The following LANCL3 variants were observed in gnomAD, a reference collection of about 807,000 sequenced individuals.
LANCL3 encodes LanC like family member 3.
LANCL3 carries 19 observed loss-of-function variants against 26.5 expected under a neutral mutation model. The observed-to-expected ratio is 0.72, with a 90% CI of 0.50 to 1.05. The LOEUF (loss-of-function observed/expected upper bound fraction) is 1.05. LANCL3 is among the 50% of genes least tolerant of loss of function. LANCL3 has a pLI of 0.00. For synonymous variants in LANCL3, 160 were observed against 166.6 expected (o/e 0.96, Z 0.30); for missense variants, 318 against 362.7 (o/e 0.88, Z 1.00).
At chrX:37,630,681 A>T (rs1402669354) in intron 1 of LANCL3, among the ~76,000 whole-genome samples, 28 of 110,366 alleles carry the variant, frequency 2.5e-4, no homozygotes, top group African/African-American at 9.3e-4. Context: ...ATTTTGTCAA[A>T]GGCCTTTTCT....
At chrX:37,584,869 G>T (rs782747920) in intron 1 of LANCL3, among the ~76,000 whole-genome samples, 1 of 111,393 alleles carries the variant, frequency 9.0e-6, no homozygotes, top group Admixed American at 9.5e-5. Context: ...TGCTTCTCTA[G>T]TTCTTTTAAT....
At chrX:37,629,462 A>C (rs1459628611) in intron 1 of LANCL3, among the ~76,000 whole-genome samples, 3 of 109,102 alleles carry the variant, frequency 2.7e-5, no homozygotes, top group African/African-American at 6.8e-5. Flanking sequence ...ATTAGATCCC[A>C]TTTGTCAATT....
At chrX:37,655,603 G>C in intron 1 of LANCL3, 85 bp from the exon 2 acceptor site, 13 of 818,493 alleles carry the variant, frequency 1.6e-5, no homozygotes, top group Non-Finnish European at 2.2e-5. Flanking sequence ...TGGATATGAT[G>C]CTAGACTTCT....
intron 1 of LANCL3, among the ~76,000 whole-genome samples, chrX:37,577,453 C>G (rs1569460660): frequency 8.9e-6 from 1 of 112,472 alleles, no homozygotes; most frequent in Admixed American, 9.4e-5. Context: ...TTTTGAGATA[C>G]CTTCCACAGC....
At chrX:37,671,739 A>G (rs1303740952) in intron 4 of LANCL3, among the ~76,000 whole-genome samples, 1 of 112,018 alleles carries the variant, frequency 8.9e-6, no homozygotes, top group Non-Finnish European at 1.9e-5. Flanking sequence ...TCATTTTCTC[A>G]GAAAGGCCCT....
chrX:37,669,162 A>T (rs890027542), intron 4 of LANCL3, among the ~76,000 whole-genome samples: 9 of 111,997 alleles, frequency 8.0e-5, no homozygotes, highest in Admixed American at 3.8e-4. Flanking sequence ...CTATATATGT[A>T]TAATAGTTCT....
At chrX:37,587,109 C>A (rs182798438) in intron 1 of LANCL3, among the ~76,000 whole-genome samples, 1 of 112,633 alleles carries the variant, frequency 8.9e-6, no homozygotes. Context: ...TGCAGAACAG[C>A]GAATATTGCT....
intron 1 of LANCL3, among the ~76,000 whole-genome samples, chrX:37,633,113 T>G (rs1172260287): frequency 1.8e-5 from 2 of 110,290 alleles, no homozygotes; most frequent in Non-Finnish European, 3.8e-5. Context: ...GATTTGGTCT[T>G]TTCACATAGT....
chrX:37,600,798 A>C (rs1924556372), intron 1 of LANCL3, among the ~76,000 whole-genome samples: 1 of 111,657 alleles, frequency 9.0e-6, no homozygotes, highest in South Asian at 3.8e-4. Flanking sequence ...TCCTGGTCTG[A>C]GGACCAAGTG....
intron 1 of LANCL3, among the ~76,000 whole-genome samples, chrX:37,619,475 G>T (rs1925096208): frequency 9.0e-6 from 1 of 111,193 alleles, no homozygotes; most frequent in Non-Finnish European, 1.9e-5. Context: ...AAGGGAGATG[G>T]ACAGAGACAA....
intron 1 of LANCL3, among the ~76,000 whole-genome samples, chrX:37,625,482 A>G (rs1925288998): frequency 9.0e-6 from 1 of 111,398 alleles, no homozygotes; most frequent in South Asian, 3.8e-4. Flanking sequence ...CGTACCCATA[A>G]TAGAACACAA....
At chrX:37,580,971 G>C (rs1172590656) in intron 1 of LANCL3, among the ~76,000 whole-genome samples, 2 of 111,756 alleles carry the variant, frequency 1.8e-5, no homozygotes, top group Non-Finnish European at 3.8e-5. Flanking sequence ...GATTTCAATT[G>C]GTGATCCTCA....
At chrX:37,605,170 C>T (rs1556420417) in intron 1 of LANCL3, among the ~76,000 whole-genome samples, 1 of 111,717 alleles carries the variant, frequency 9.0e-6, no homozygotes, top group African/African-American at 3.3e-5. Flanking sequence ...CTTACGCCTC[C>T]GAAGGGCCAA....
At chrX:37,600,148 G>C (rs1556419884) in intron 1 of LANCL3, among the ~76,000 whole-genome samples, 1 of 111,921 alleles carries the variant, frequency 8.9e-6, no homozygotes. Context: ...CTGAAAATAG[G>C]TGAGTATAGT....
intron 1 of LANCL3, among the ~76,000 whole-genome samples, chrX:37,635,312 G>C (rs781854595): frequency 4.5e-5 from 5 of 111,986 alleles, no homozygotes; most frequent in Admixed American, 9.5e-5. Context: ...GATACCCAAA[G>C]TTTGTTCTCT....
intron 1 of LANCL3, among the ~76,000 whole-genome samples, chrX:37,609,078 T>C (rs1556420824): frequency 8.9e-6 from 1 of 112,220 alleles, no homozygotes; most frequent in African/African-American, 3.2e-5. Flanking sequence ...TTTTTATCTT[T>C]TGGTCAGTAT....
intron 1 of LANCL3, among the ~76,000 whole-genome samples, chrX:37,619,435 G>A (rs1925094795): frequency 1.8e-5 from 2 of 111,017 alleles, no homozygotes; most frequent in South Asian, 7.6e-4. Flanking sequence ...ATTTAGCAGA[G>A]TTCATACAAC....
intron 1 of LANCL3, among the ~76,000 whole-genome samples, chrX:37,637,180 T>TTGAAA (rs1388054003): frequency 3.6e-5 from 4 of 111,739 alleles, no homozygotes; most frequent in Admixed American, 2.8e-4. Flanking sequence ...AAAAAGGAAT[T>TTGAAA]AAGTGTGCCT....
chrX:37,602,817 C>A (rs1210157937), intron 1 of LANCL3, among the ~76,000 whole-genome samples: 8 of 111,414 alleles, frequency 7.2e-5, no homozygotes, highest in Non-Finnish European at 1.3e-4. Flanking sequence ...CATGTACAGT[C>A]AAAATCAGTC....
Sources: gnomAD v4.1 joint callset for allele counts (sites outside exome capture counted in the v4.1 genomes callset) on GRCh38, gnomAD v4.1.1 for gene constraint, MANE v1.5 for transcripts, NCBI Gene and HGNC (gene_info 2026-07-23, HGNC 2026-07-21) for gene names.